MYH11: variants seen among roughly 807,000 people sequenced by gnomAD.
The protein encoded by MYH11 is myosin-11.
A neutral mutation model predicts 246.6 loss-of-function variants in MYH11; 80 were observed. The ratio of observed to expected loss-of-function variants is 0.32; its 90% CI spans 0.27 to 0.39. MYH11 has a LOEUF of 0.39. MYH11 is among the 10% of genes least tolerant of loss of function. The pLI is 1.00. For missense variants in MYH11, 2,158 were observed against 2,546.8 expected (o/e 0.85, Z 3.29); for synonymous variants, 1,071 against 1,015.5 (o/e 1.05, Z -1.04).
intron 34 of MYH11, among the ~76,000 whole-genome samples, chr16:15,719,922 C>G (rs375253455): frequency 6.6e-6 from 1 of 152,176 alleles, no homozygotes; most frequent in African/African-American, 2.4e-5. Context: ...GCCTGAGAAG[C>G]TGAGCCCCTG....
rs1785977351 is a variant in MYH11, at chr16:15,757,822, C to G, written c.1575+5G>C. The G allele has an allele frequency of 1.2e-6, 2 of 1,614,096 alleles. No individual in the cohort carries two copies. The highest frequency in any genetic ancestry group is 2.7e-5 in the African/African-American group (2 of 74,940). On this transcript the variant is annotated splice_donor_5th_base_variant and intron_variant, in intron 13 of 40. Transcript: ENST00000300036. The stretch of plus-strand genomic sequence containing the variant: ...CGGAGCCCCGCACGCCCACGTGCCC[C>G]TCACCGGTCGCTCGATGAGCTCGAT...
intron 5 of MYH11, 83 bp from the exon 6 acceptor site, chr16:15,782,560 T>C (rs920592162): frequency 3.5e-6 from 4 of 1,128,528 alleles, no homozygotes; most frequent in Non-Finnish European, 5.3e-6. Context: ...GTCACAAAAC[T>C]CTGCCCTTAA....
At chr16:15,708,877 A>G (rs999714152) in intron 40 of MYH11, 2 of 1,601,876 alleles carry the variant, frequency 1.2e-6, no homozygotes, top group Middle Eastern at 1.7e-4. Flanking sequence ...GGTTACCATC[A>G]GCAAACAAGA....
rs1221672102 is a variant in MYH11 at position 15,703,416 on chromosome 16, C to T, written c.*575G>A. ...CATTTCGGTGACTTTCTCCCCATTT[C>T]ATGTAAACAGAATTGCCAGGGACCG... On this transcript the variant is annotated 3_prime_UTR_variant, in exon 41 of 41. Transcript: ENST00000300036. 1 of 239,330 alleles carries T rather than the reference C, an allele frequency of 4.2e-6. No homozygotes were observed. The allele number at this position is 239,330 out of a possible 1,614,324, so 14.8% of individuals were successfully genotyped here. A position where few individuals can be genotyped will look rare whatever the true frequency, so the allele number is the denominator to read the frequency against.
At chr16:15,794,019 C>T (rs1216711161) in intron 4 of MYH11, among the ~76,000 whole-genome samples, 1 of 144,212 alleles carries the variant, frequency 6.9e-6, no homozygotes, top group Non-Finnish European at 1.5e-5. Context: ...TCTCTGCTAA[C>T]TGCAAGCCCC....
intron 40 of MYH11, among the ~76,000 whole-genome samples, chr16:15,707,366 AG>A (rs1163230771): frequency 6.6e-6 from 1 of 152,168 alleles, no homozygotes; most frequent in Non-Finnish European, 1.5e-5. Flanking sequence ...AGCTTATCCA[AG>A]GCCTCGGGAA....
intron 4 of MYH11, among the ~76,000 whole-genome samples, chr16:15,794,907 A>C (rs1596852455): frequency 6.6e-6 from 1 of 152,260 alleles, no homozygotes; most frequent in South Asian, 2.1e-4. Flanking sequence ...GATCACACTC[A>C]GTCTTCCAAG....
chr16:15,717,006 C>T (rs1455520638), intron 38 of MYH11, 134 bp downstream of exon 38: 8 of 986,046 alleles, frequency 8.1e-6, no homozygotes, highest in East Asian at 4.7e-5. Flanking sequence ...CACAACATAC[C>T]TGCACTGTAG....
At chr16:15,846,484 G>A (rs1286551712) in intron 1 of MYH11, among the ~76,000 whole-genome samples, 1 of 152,142 alleles carries the variant, frequency 6.6e-6, no homozygotes, top group African/African-American at 2.4e-5. Flanking sequence ...ACGTGAGGGG[G>A]GCTTGTGAGG....
At chr16:15,777,511 G>C (rs570859512) in intron 7 of MYH11, among the ~76,000 whole-genome samples, 1 of 152,272 alleles carries the variant, frequency 6.6e-6, no homozygotes, top group East Asian at 1.9e-4. Context: ...AAGGAAGGCT[G>C]AGGCCAGAAG....
chr16:15,757,819 C>T lies in MYH11; in HGVS notation c.1575+8G>A, dbSNP rs1057522453. 1 of 1,612,500 alleles carries T rather than the reference C, an allele frequency of 6.2e-7. No homozygotes were observed. Among genetic ancestry groups the T allele is most frequent in the African/African-American group, 1.3e-5 (1 of 75,048 alleles). On this transcript the variant is annotated splice_region_variant and intron_variant, in intron 13 of 40. Transcript: ENST00000300036. ...TGACGGAGCCCCGCACGCCCACGTG[C>T]CCCTCACCGGTCGCTCGATGAGCTC... is the stretch of plus-strand genomic sequence containing the variant.
At chr16:15,755,794 T>C (rs2151272152) in intron 14 of MYH11, among the ~76,000 whole-genome samples, 1 of 152,206 alleles carries the variant, frequency 6.6e-6, no homozygotes, top group Admixed American at 6.5e-5. Context: ...TAGCTGGGTG[T>C]GGTGGCAGGT....
At chr16:15,710,469 C>T (rs137861520) in intron 40 of MYH11, among the ~76,000 whole-genome samples, 309 of 152,138 alleles carry the variant, frequency 2.0e-3, no homozygotes, top group East Asian at 0.013. Flanking sequence ...TGCAGTGAGC[C>T]GAGATCGCGC....
rs137934837 is a variant in MYH11 at position 15,721,026 on chromosome 16, C to T, written c.4604G>A (p.Arg1535Gln). 3.1e-3 allele frequency: 4,933 copies of T among 1,614,018 alleles called. 7 individuals are homozygous for T. The highest frequency in any genetic ancestry group is 8.9e-3 in the Middle Eastern group (54 of 6,062). Reference protein sequence around the residue: ...KNVHELEKSKRALETQMEEMK... With the variant: ...KNVHELEKSKQALETQMEEMK... Reference sequence around the variant, plus strand: ...CTCCTCCATCTGGGTCTCCAGGGCCCGCTTGGACTTCTCCAGCTCATGGAC... The same window carrying T: ...CTCCTCCATCTGGGTCTCCAGGGCCTGCTTGGACTTCTCCAGCTCATGGAC... Residue 1535 changes from arginine to glutamine, a missense_variant, in exon 33 of 41, where the codon CGG becomes CAG. Transcript: ENST00000300036.
At chr16:15,777,263 A>T (rs2042244014) in intron 7 of MYH11, among the ~76,000 whole-genome samples, 1 of 152,168 alleles carries the variant, frequency 6.6e-6, no homozygotes, top group African/African-American at 2.4e-5. Context: ...CTGGGACTAC[A>T]GGTGCATGCC....
intron 2 of MYH11, among the ~76,000 whole-genome samples, chr16:15,835,746 A>ATTTT (rs386384349): frequency 1.5e-5 from 2 of 132,098 alleles, no homozygotes. Flanking sequence ...AGCTGGTACT[A>ATTTT]TTTTTTTTTT....
rs573370346 is a variant in MYH11, at chr16:15,705,663, A to G, written c.5787-1540T>C. ...ATAAGAAGCCATAAGGATGAACACAACTCAGTGACCAATTCTTTAGTCAAA... is the reference window on the plus strand; with the variant it reads ...ATAAGAAGCCATAAGGATGAACACAGCTCAGTGACCAATTCTTTAGTCAAA... On this transcript the variant is annotated intron_variant, in intron 40 of 40. Transcript: ENST00000300036. Among the ~76,000 whole-genome samples, 6 of 152,130 alleles carry G rather than the reference A, an allele frequency of 3.9e-5. No individual in the cohort carries two copies. The East Asian group carries it at 1.2e-3, about 29-fold the overall frequency.
At chr16:15,723,001 C>T (rs994474979) in intron 31 of MYH11, among the ~76,000 whole-genome samples, 6 of 152,194 alleles carry the variant, frequency 3.9e-5, no homozygotes, top group African/African-American at 1.4e-4. Flanking sequence ...GCCTCAGCCT[C>T]CCAAAGTGCT....
In MYH11 at chr16:15,763,867, A is replaced by G; in HGVS notation, c.1058T>C (p.Val353Ala). Residue 353 changes from valine to alanine, a missense_variant, in exon 10 of 41, where the codon GTC becomes GCC. Transcript: ENST00000300036. ...GAAGACGATATTTCCAAGCTGCAGG[A>G]CCGATGATACCACCTTCAATATGGC... ...QLSILKVVSSVLQLGNIVFKK... is the reference protein window; with the variant it reads ...QLSILKVVSSALQLGNIVFKK... 6.2e-7 allele frequency: 1 copy of G among 1,613,110 alleles called. No homozygotes were observed. The highest frequency in any genetic ancestry group is 8.5e-7 in the Non-Finnish European group (1 of 1,179,714).
Sources: allele counts gnomAD v4.1 joint callset (sites outside exome capture counted in the v4.1 genomes callset), GRCh38; gene constraint gnomAD v4.1.1; transcripts MANE v1.5; gene names NCBI Gene and HGNC (gene_info 2026-07-23, HGNC 2026-07-21).